Variants in GRM8 observed in about 807,000 individuals in gnomAD.
GRM8 encodes the protein glutamate metabotropic receptor 8.
GRM8 carries 47 observed loss-of-function variants against 87.2 expected under a neutral mutation model. The observed-to-expected ratio is 0.54, with a 90% CI of 0.43 to 0.69. GRM8 has a LOEUF of 0.69. Ranked by LOEUF, GRM8 falls within the 30% of genes least tolerant of loss-of-function variation. The pLI, the probability that GRM8 is intolerant of heterozygous loss-of-function variation, is 0.00. For missense variants in GRM8, 1,019 were observed against 1,139.2 expected, an observed-to-expected ratio of 0.89 and a Z score of 1.52; for synonymous variants, 396 against 404.5, an observed-to-expected ratio of 0.98 and a Z score of 0.25.
intron 9 of GRM8, among the ~76,000 whole-genome samples, chr7:126,509,140 G>T (rs556109696): frequency 6.6e-6 from 1 of 151,992 alleles, no homozygotes; most frequent in Non-Finnish European, 1.5e-5. Flanking sequence ...CTGAAGACAG[G>T]GGCAGAAAAG....
chr7:127,039,890 C>T (rs1183194381), intron 3 of GRM8, among the ~76,000 whole-genome samples: 1 of 16,174 alleles, frequency 6.2e-5, no homozygotes, highest in Non-Finnish European at 1.1e-4. Context: ...AGGGGGAAGG[C>T]GAGGGGGAAG....
chr7:127,040,264 G>A (rs1041371804), intron 3 of GRM8, among the ~76,000 whole-genome samples: 11 of 152,120 alleles, frequency 7.2e-5, no homozygotes, highest in African/African-American at 2.4e-4. Flanking sequence ...ATTGGTGATG[G>A]GTTTCAGAGC....
intron 3 of GRM8, among the ~76,000 whole-genome samples, chr7:126,923,329 T>C (rs1563320334): frequency 6.6e-6 from 1 of 152,162 alleles, no homozygotes; most frequent in African/African-American, 2.4e-5. Flanking sequence ...AGCATCTGCT[T>C]TTCATGTAAG....
chr7:126,457,384 T>C lies in GRM8; in HGVS notation c.2431-11012A>G, dbSNP rs527401910. ...ACTTAAAAGAGACACTGGACAATAA[T>C]TTTCCAAAACTTATGAAAAATAATC... On this transcript the variant is annotated intron_variant, in intron 9 of 10. Coordinates refer to ENST00000339582, the MANE Select transcript of GRM8 (RefSeq NM_000845.3). Among the ~76,000 whole-genome samples, 7 of 151,554 alleles carry C rather than the reference T, an allele frequency of 4.6e-5. No homozygotes were observed. The South Asian group carries it at 1.5e-3, about 31-fold the overall frequency.
chr7:126,934,855 CA>C (rs1225831610), intron 3 of GRM8, among the ~76,000 whole-genome samples: 1 of 152,150 alleles, frequency 6.6e-6, no homozygotes, highest in Non-Finnish European at 1.5e-5. Context: ...AAAGATTGTG[CA>C]AAGCCACAGG....
intron 7 of GRM8, among the ~76,000 whole-genome samples, chr7:126,737,783 T>G (rs970071265): frequency 6.6e-6 from 1 of 152,056 alleles, no homozygotes; most frequent in Admixed American, 6.6e-5. Flanking sequence ...AAGTAAGTCA[T>G]GACTCCCACC....
chr7:126,599,559 C>G (rs1472914948), intron 8 of GRM8, among the ~76,000 whole-genome samples: 7 of 152,108 alleles, frequency 4.6e-5, no homozygotes. Flanking sequence ...TCTTGCTTCT[C>G]TGAGAACGGA....
chr7:126,928,728 T>G (rs1805418106), intron 3 of GRM8, among the ~76,000 whole-genome samples: 1 of 150,570 alleles, frequency 6.6e-6, no homozygotes, highest in Non-Finnish European at 1.5e-5. Flanking sequence ...GCCTAAAAGA[T>G]ACATAAAATA....
chr7:126,583,607 G>A (rs539818203), intron 8 of GRM8, among the ~76,000 whole-genome samples: 5 of 152,216 alleles, frequency 3.3e-5, no homozygotes, highest in African/African-American at 9.6e-5. Context: ...TGACTTTGAG[G>A]TGTTTAATCT....
chr7:126,953,045 T>C (rs1175872215), intron 3 of GRM8, among the ~76,000 whole-genome samples: 5 of 152,154 alleles, frequency 3.3e-5, no homozygotes, highest in African/African-American at 1.2e-4. Context: ...GGCAGGGATA[T>C]GTGAAAATTC....
chr7:126,792,547 T>C (rs1347818520), intron 6 of GRM8, among the ~76,000 whole-genome samples: 1 of 152,200 alleles, frequency 6.6e-6, no homozygotes. Context: ...TCTAAATTAC[T>C]CTCAGCTTTA....
chr7:126,769,831 T>C (rs770353523), intron 7 of GRM8, 34 bp downstream of exon 7: 2 of 1,398,808 alleles, frequency 1.4e-6, no homozygotes, highest in South Asian at 2.3e-5. Flanking sequence ...CTGTCGCTTT[T>C]AATGTATTTA....
intron 3 of GRM8, among the ~76,000 whole-genome samples, chr7:126,926,650 T>C (rs1805159561): frequency 6.6e-6 from 1 of 152,224 alleles, no homozygotes; most frequent in South Asian, 2.1e-4. Flanking sequence ...CTTCACGGCA[T>C]AGCACACAAG....
At chr7:126,625,990 T>C (rs535157419) in intron 7 of GRM8, among the ~76,000 whole-genome samples, 19 of 152,270 alleles carry the variant, frequency 1.2e-4, no homozygotes, top group Non-Finnish European at 2.5e-4. Context: ...TTTTCTGGGG[T>C]ACATTAAATA....
intron 2 of GRM8, among the ~76,000 whole-genome samples, chr7:127,169,819 C>A (rs1793682580): frequency 6.6e-6 from 1 of 152,182 alleles, no homozygotes; most frequent in Non-Finnish European, 1.5e-5. Flanking sequence ...AACAACAGAA[C>A]ATCTGTTTAC....
chr7:126,550,281 A>AT (rs1205079057), intron 8 of GRM8, among the ~76,000 whole-genome samples: 1 of 151,844 alleles, frequency 6.6e-6, no homozygotes, highest in Non-Finnish European at 1.5e-5. Context: ...CGCCTGGCTA[A>AT]TTTTTGTATT....
intron 7 of GRM8, among the ~76,000 whole-genome samples, chr7:126,724,317 C>G (rs956356960): frequency 6.6e-6 from 1 of 152,156 alleles, no homozygotes; most frequent in African/African-American, 2.4e-5. Context: ...AATTCCAAAT[C>G]TGGCTCTGAA....
chr7:126,472,202 T>A (rs974495202), intron 9 of GRM8, among the ~76,000 whole-genome samples: 3 of 152,212 alleles, frequency 2.0e-5, no homozygotes, highest in Non-Finnish European at 4.4e-5. Context: ...CTAATTGCTC[T>A]GGCCAGAACT....
At chr7:126,830,254 T>C (rs945655625) in intron 6 of GRM8, among the ~76,000 whole-genome samples, 20 of 152,338 alleles carry the variant, frequency 1.3e-4, no homozygotes, top group African/African-American at 4.6e-4. Context: ...TGGCCTGCCT[T>C]GCTAGATTGG....
Sources: allele counts gnomAD v4.1 joint callset (sites outside exome capture counted in the v4.1 genomes callset), GRCh38; gene constraint gnomAD v4.1.1; transcripts MANE v1.5; gene names NCBI Gene and HGNC (gene_info 2026-07-23, HGNC 2026-07-21).